SELENOT: variants seen among roughly 807,000 people sequenced by gnomAD.
SELENOT encodes thioredoxin reductase-like selenoprotein T.
Under a neutral mutation model 24.3 loss-of-function variants are expected in SELENOT, and 9 were observed. The observed-to-expected ratio is 0.37, with a 90% CI of 0.22 to 0.65. The LOEUF is 0.65. Ranked by LOEUF, SELENOT falls within the 30% of genes least tolerant of loss-of-function variation. The pLI is 0.60. For synonymous variants in SELENOT, 81 were observed against 86.0 expected, an observed-to-expected ratio of 0.94 and a Z score of 0.32; for missense variants, 166 against 247.6, an observed-to-expected ratio of 0.67 and a Z score of 2.21.
intron 1 of SELENOT, chr3:150,611,317 T>G: frequency 1.6e-6 from 2 of 1,232,812 alleles, no homozygotes; most frequent in African/African-American, 3.0e-5. Flanking sequence ...CTTCACTGAT[T>G]AGATGAAATA....
Position 150,623,988 on chromosome 3 carries a change from C to T in SELENOT, c.375+819C>T, listed in dbSNP as rs148405608. Among the ~76,000 whole-genome samples, 967 of 152,152 alleles carry T rather than the reference C, an allele frequency of 6.4e-3. 8 individuals carry two copies. The highest frequency in any genetic ancestry group is 0.023 in the African/African-American group (945 of 41,530). On this transcript the variant is annotated intron_variant, in intron 3 of 5. Transcript: ENST00000471696. Reference sequence around the variant, plus strand: ...AGCAGACTCCTGCATAGCTGTGCTTCTTTTTCTTTGGGAACCATTTCTTTC... The same window carrying T: ...AGCAGACTCCTGCATAGCTGTGCTTTTTTTTCTTTGGGAACCATTTCTTTC...
intron 1 of SELENOT, among the ~76,000 whole-genome samples, chr3:150,606,648 A>G (rs1414912019): frequency 6.6e-6 from 1 of 152,154 alleles, no homozygotes; most frequent in Non-Finnish European, 1.5e-5. Flanking sequence ...GCTAGAGTGC[A>G]GTGGTGTGAT....
chr3:150,613,857 T>C (rs1456375602), intron 1 of SELENOT, among the ~76,000 whole-genome samples: 6 of 152,094 alleles, frequency 3.9e-5, no homozygotes, highest in Admixed American at 3.9e-4. Context: ...TCTTCTGCTC[T>C]TGAAGACTGG....
chr3:150,616,594 G>A (rs1223419996), intron 1 of SELENOT, among the ~76,000 whole-genome samples: 1 of 152,082 alleles, frequency 6.6e-6, no homozygotes, highest in Non-Finnish European at 1.5e-5. Flanking sequence ...AAAAACACAT[G>A]AAAAAATGCT....
rs1014811672 is a variant in SELENOT, at chr3:150,630,216, G to A, written c.*2587G>A. On this transcript the variant is annotated 3_prime_UTR_variant, in exon 6 of 6. Coordinates refer to ENST00000471696, the MANE Select transcript of SELENOT (RefSeq NM_016275.5). ...CCCAATGATGATTCTTTTTTACTTT[G>A]AATGTTAATTAGTTTGGGACTTTGA... 2 of 152,028 alleles carry A rather than the reference G, an allele frequency of 1.3e-5. No individual in the cohort carries two copies. Among genetic ancestry groups the A allele is most frequent in the African/African-American group, 4.8e-5 (2 of 41,390 alleles). The allele number at this position is 152,028 out of a possible 1,614,324, so 9.4% of individuals were successfully genotyped here.
At chr3:150,620,708 G>C (rs1030558066) in intron 1 of SELENOT, among the ~76,000 whole-genome samples, 10 of 152,148 alleles carry the variant, frequency 6.6e-5, no homozygotes, top group African/African-American at 2.4e-4. Flanking sequence ...AAGTTAGAAA[G>C]ATACAATTAT....
rs1726363843 is a variant in SELENOT, at chr3:150,622,464, G to C, written c.217G>C (p.Gly73Arg). The C allele has an allele frequency of 2.0e-6, 3 of 1,499,792 alleles. No homozygotes were observed. The highest frequency in any genetic ancestry group is 2.7e-6 in the Non-Finnish European group (3 of 1,114,824). 92.9% of individuals were successfully genotyped at this position (1,499,792 alleles called of 1,614,324 possible). Residue 73 changes from glycine to arginine, a missense_variant, in exon 2 of 6, where the codon GGA becomes CGA. Gly to Arg is a moderately radical substitution (Grantham distance 125). Around this residue, in one of 5 missense-constraint regions of SELENOT, gnomAD observed 71 missense variants for 89.2 expected, o/e 0.80. Transcript: ENST00000471696. The stretch of plus-strand genomic sequence containing the variant: ...GCGGTACCCAGACATCCGCATTGAA[G>C]GAGAGAATTACCTCCCTCAACCAAT... ...SQRYPDIRIE[G>R]ENYLPQPIYR...
At chr3:150,614,343 T>C (rs59356053) in intron 1 of SELENOT, among the ~76,000 whole-genome samples, 32,648 of 151,566 alleles carry the variant, frequency 0.22, 3,863 homozygotes, top group East Asian at 0.47. Flanking sequence ...AAAATGTTAG[T>C]CAAAATAAAT....
chr3:150,609,503 C>T (rs1303805282), intron 1 of SELENOT, among the ~76,000 whole-genome samples: 3 of 152,128 alleles, frequency 2.0e-5, no homozygotes, highest in African/African-American at 7.2e-5. Context: ...GCGCGCACTA[C>T]ATGCCTGGCC....
intron 1 of SELENOT, among the ~76,000 whole-genome samples, chr3:150,617,232 T>G (rs1397146825): frequency 6.6e-6 from 1 of 152,238 alleles, no homozygotes; most frequent in Non-Finnish European, 1.5e-5. Context: ...CTTGCCAACC[T>G]GTGTTTCTTA....
chr3:150,603,983 G>T (rs1725902312), intron 1 of SELENOT, among the ~76,000 whole-genome samples: 2 of 152,246 alleles, frequency 1.3e-5, no homozygotes, highest in Non-Finnish European at 2.9e-5. Context: ...CATTGGAGAG[G>T]ATCCGGGAGT....
At position 150,627,025 on chromosome 3, in the gene SELENOT, C is replaced by G. The variant is rs1158801737; in HGVS notation, c.479C>G (p.Ser160Cys). The change falls in exon 5 of 6, where the codon TCT (serine) becomes TGT (cysteine). Residue 160 changes from serine (S) to cysteine (C), a missense_variant. Ser to Cys is a moderately radical substitution (Grantham distance 112). Coordinates refer to ENST00000471696, the MANE Select transcript of SELENOT (RefSeq NM_016275.5). Reference protein sequence around the residue: ...EITLNDVPVWSKLESGHLPSM... With the variant: ...EITLNDVPVWCKLESGHLPSM... ...ATTTTTATAGATGTACCTGTGTGGT[C>G]TAAGCTGGAATCTGGTCACCTTCCA... is the stretch of plus-strand genomic sequence containing the variant. The G allele has an allele frequency of 6.2e-7, 1 of 1,612,564 alleles. No individual in the cohort carries two copies.
chr3:150,616,346 A>T (rs1443572881), intron 1 of SELENOT, among the ~76,000 whole-genome samples: 1 of 142,702 alleles, frequency 7.0e-6, no homozygotes, highest in Non-Finnish European at 1.5e-5. Context: ...CAAAATTGAC[A>T]AATGGGATCT....
At chr3:150,626,910 T>TA (rs987826126) in intron 4 of SELENOT, 100 bp from the exon 5 acceptor site, 16 of 1,232,714 alleles carry the variant, frequency 1.3e-5, no homozygotes, top group Non-Finnish European at 1.6e-5. Context: ...CCTACTTTTG[T>TA]ATCCCAGTTG....
In SELENOT at chr3:150,611,729, G is replaced by C. The variant is rs1726097105; in HGVS notation, c.137+8230G>C. On this transcript the variant is annotated intron_variant, in intron 1 of 5. Coordinates refer to ENST00000471696, the MANE Select transcript of SELENOT (RefSeq NM_016275.5). ...CCTCCGCAGGCAGCACAGTTGCCAG[G>C]AGCCCGGCCTGGCCGCCCCCAGGGG... The C allele has an allele frequency of 2.0e-5, 31 of 1,562,404 alleles. 1 individual carries two copies. In the South Asian group the frequency reaches 3.5e-4, roughly 17 times the overall value.
intron 1 of SELENOT, among the ~76,000 whole-genome samples, chr3:150,618,226 T>C (rs897032935): frequency 6.6e-6 from 1 of 152,190 alleles, no homozygotes; most frequent in African/African-American, 2.4e-5. Context: ...CAGGTTTGTA[T>C]TTCTGGAACA....
chr3:150,616,238 A>G (rs1183223388), intron 1 of SELENOT, among the ~76,000 whole-genome samples: 2 of 146,152 alleles, frequency 1.4e-5, no homozygotes, highest in East Asian at 2.0e-4. Context: ...ACCTAAAACC[A>G]TAAAAACCCT....
chr3:150,603,654 C>G (rs1725896390), intron 1 of SELENOT, 155 bp downstream of exon 1: 2 of 908,394 alleles, frequency 2.2e-6, no homozygotes, highest in African/African-American at 3.4e-5. Flanking sequence ...TCTCGCGGCC[C>G]CTTAGCGCGG....
At chr3:150,626,473 C>G (rs951307377) in intron 4 of SELENOT, among the ~76,000 whole-genome samples, 1 of 152,200 alleles carries the variant, frequency 6.6e-6, no homozygotes, top group East Asian at 1.9e-4. Flanking sequence ...TCTTCCCTAG[C>G]CCAAAATGTT....
Sources: gnomAD v4.1 joint callset for allele counts (sites outside exome capture counted in the v4.1 genomes callset) on GRCh38, gnomAD v4.1.1 for gene constraint, gnomAD v4.1.1 regional missense constraint, MANE v1.5 for transcripts, NCBI Gene and HGNC (gene_info 2026-07-23, HGNC 2026-07-21) for gene names.